The following NRXN1 variants were observed in gnomAD, a reference collection of about 807,000 sequenced individuals.
The protein encoded by NRXN1 is neurexin-1.
A neutral mutation model predicts 150.9 loss-of-function variants in NRXN1; 39 were observed. That is an observed-to-expected ratio of 0.26 (90% CI 0.20 to 0.34). The LOEUF (loss-of-function observed/expected upper bound fraction) is 0.34. Ranked by LOEUF, NRXN1 falls within the 10% of genes least tolerant of loss-of-function variation. The pLI is 1.00. For synonymous variants in NRXN1, 924 were observed against 757.0 expected (o/e 1.22, Z -3.62); for missense variants, 1,815 against 1,949.9 (o/e 0.93, Z 1.30).
At chr2:50,093,795 T>C (rs983045823) in intron 18 of NRXN1, among the ~76,000 whole-genome samples, 1 of 152,120 alleles carries the variant, frequency 6.6e-6, no homozygotes, top group Non-Finnish European at 1.5e-5. Context: ...ATTTTACAGA[T>C]GAGAAAATTA....
At chr2:50,715,063 G>C (rs1695692946) in intron 5 of NRXN1, among the ~76,000 whole-genome samples, 1 of 152,070 alleles carries the variant, frequency 6.6e-6, no homozygotes, top group African/African-American at 2.4e-5. Flanking sequence ...GTAGAATCAT[G>C]AATAAGCCAT....
intron 5 of NRXN1, among the ~76,000 whole-genome samples, chr2:50,643,110 T>C (rs969972196): frequency 6.6e-6 from 1 of 152,004 alleles, no homozygotes; most frequent in Non-Finnish European, 1.5e-5. Context: ...AATTTTTCTT[T>C]ACAGAATAAA....
intron 5 of NRXN1, among the ~76,000 whole-genome samples, chr2:50,666,873 A>AGTG (rs1311807954): frequency 1.3e-4 from 10 of 78,008 alleles, no homozygotes; most frequent in Non-Finnish European, 2.2e-4. Context: ...GATGATGATG[A>AGTG]TGATGATGTG....
chr2:50,504,006 A>T (rs1232770158), intron 13 of NRXN1, among the ~76,000 whole-genome samples: 1 of 152,122 alleles, frequency 6.6e-6, no homozygotes, highest in African/African-American at 2.4e-5. Flanking sequence ...AATATCAGAT[A>T]AGCACAAACT....
At chr2:50,733,701 A>T (rs1364870092) in intron 5 of NRXN1, among the ~76,000 whole-genome samples, 1 of 152,156 alleles carries the variant, frequency 6.6e-6, no homozygotes, top group East Asian at 1.9e-4. Context: ...ATTTTAGAGA[A>T]GATTAATATT....
intron 18 of NRXN1, among the ~76,000 whole-genome samples, chr2:50,154,435 A>G (rs780780642): frequency 1.3e-4 from 20 of 151,750 alleles, no homozygotes; most frequent in Non-Finnish European, 2.9e-4. Context: ...TCAAGGATGT[A>G]TAATATCTAT....
At chr2:50,534,946 A>G (rs1394773129) in intron 10 of NRXN1, among the ~76,000 whole-genome samples, 1 of 152,190 alleles carries the variant, frequency 6.6e-6, no homozygotes, top group Non-Finnish European at 1.5e-5. Context: ...TTAGCCTTTA[A>G]CATTCTCCAG....
At chr2:50,813,910 CTAATA>C (rs1426956443) in intron 5 of NRXN1, among the ~76,000 whole-genome samples, 1 of 151,748 alleles carries the variant, frequency 6.6e-6, no homozygotes. Flanking sequence ...TCTGATCTTA[CTAATA>C]TATTTTTTAT....
chr2:50,098,812 G>A (rs1213902923), intron 18 of NRXN1, among the ~76,000 whole-genome samples: 2 of 118,074 alleles, frequency 1.7e-5, no homozygotes, highest in African/African-American at 6.1e-5. Context: ...AGGGTGCATG[G>A]TTTTGTTTTT....
intron 17 of NRXN1, among the ~76,000 whole-genome samples, chr2:50,267,850 C>T (rs1384047543): frequency 1.3e-5 from 2 of 151,780 alleles, no homozygotes; most frequent in African/African-American, 2.4e-5. Flanking sequence ...TATTTGAAGT[C>T]CAAGAAGAGA....
At chr2:50,135,838 T>G (rs1706322609) in intron 18 of NRXN1, among the ~76,000 whole-genome samples, 1 of 152,206 alleles carries the variant, frequency 6.6e-6, no homozygotes, top group Non-Finnish European at 1.5e-5. Flanking sequence ...TGGTTTTCAG[T>G]CAAATAATTC....
chr2:50,085,541 T>C (rs1045466107), intron 19 of NRXN1, among the ~76,000 whole-genome samples: 3 of 152,138 alleles, frequency 2.0e-5, no homozygotes, highest in East Asian at 1.9e-4. Flanking sequence ...GTTCTAATGG[T>C]CCATAATAAT....
intron 13 of NRXN1, among the ~76,000 whole-genome samples, chr2:50,503,771 T>C (rs1365033575): frequency 2.0e-5 from 3 of 152,112 alleles, no homozygotes; most frequent in African/African-American, 7.2e-5. Context: ...TTACAGGATA[T>C]TTACATGGTC....
intron 17 of NRXN1, among the ~76,000 whole-genome samples, chr2:50,390,156 T>G (rs1311321562): frequency 1.3e-5 from 2 of 152,168 alleles, no homozygotes; most frequent in Non-Finnish European, 2.9e-5. Context: ...TTTTCCTGTA[T>G]GTTTTTATAG....
chr2:50,908,654 T>A (rs970883778), intron 5 of NRXN1, among the ~76,000 whole-genome samples: 7 of 151,994 alleles, frequency 4.6e-5, no homozygotes, highest in Admixed American at 2.0e-4. Context: ...AAATCTGAAT[T>A]TGGGTATAGG....
intron 5 of NRXN1, among the ~76,000 whole-genome samples, chr2:50,795,041 CTG>C (rs1706607555): frequency 6.6e-6 from 1 of 152,090 alleles, no homozygotes; most frequent in Non-Finnish European, 1.5e-5. Flanking sequence ...CTACCTATCT[CTG>C]TGCATTACTA....
In NRXN1 at chr2:51,025,450, T is replaced by C. The variant is rs186962339; in HGVS notation, c.772+2052A>G. ...TGATTATGCATGATCTCTGAATCCC[T>C]ACATTAAAAATGCATAGAAAAATAA... On this transcript the variant is annotated intron_variant, in intron 2 of 22. Transcript: ENST00000401669. 4.5e-4 allele frequency among the ~76,000 whole-genome samples: 69 copies of C among 152,312 alleles called. 1 individual carries two copies. Among genetic ancestry groups the C allele is most frequent in the African/African-American group, 1.6e-3 (67 of 41,572 alleles).
chr2:50,476,761 T>C (rs2090023891), intron 15 of NRXN1, among the ~76,000 whole-genome samples: 1 of 152,158 alleles, frequency 6.6e-6, no homozygotes, highest in Admixed American at 6.5e-5. Context: ...GAAGTGTGCC[T>C]TACACTATTC....
intron 18 of NRXN1, among the ~76,000 whole-genome samples, chr2:50,168,948 T>C (rs2059850373): frequency 6.6e-6 from 1 of 152,190 alleles, no homozygotes; most frequent in Non-Finnish European, 1.5e-5. Flanking sequence ...GGCATTCAGT[T>C]AAAAGTAGAT....
Sources: gnomAD v4.1 joint callset for allele counts (sites outside exome capture counted in the v4.1 genomes callset) on GRCh38, gnomAD v4.1.1 for gene constraint, MANE v1.5 for transcripts, NCBI Gene and HGNC (gene_info 2026-07-23, HGNC 2026-07-21) for gene names.